The following TTN variants were observed in gnomAD, a reference collection of about 807,000 sequenced individuals.
TTN encodes the protein connectin.
Under a neutral mutation model 3,223.0 loss-of-function variants are expected in TTN, and 1,525 were observed. That is an observed-to-expected ratio of 0.47 (90% confidence interval 0.45 to 0.49). The LOEUF is 0.49. TTN is among the 20% of genes least tolerant of loss of function. TTN has a pLI of 0.00. For missense variants in TTN, 40,786 were observed against 43,424.0 expected (o/e 0.94, Z 5.40); for synonymous variants, 14,094 against 15,161.0 (o/e 0.93, Z 5.17).
At chr2:178,688,495 C>G (rs933343271) in intron 126 of TTN, among the ~76,000 whole-genome samples, 182 bp downstream of exon 126, 6 of 152,136 alleles carry the variant, frequency 3.9e-5, no homozygotes, top group Non-Finnish European at 7.4e-5. Flanking sequence ...TGATTCAAGG[C>G]CAACATAGAC....
rs1487384647 is a variant in TTN at position 178,551,072 on chromosome 2, T to C, written c.91459A>G (p.Ser30487Gly). The C allele has an allele frequency of 6.2e-7, 1 of 1,613,418 alleles. No individual in the cohort carries two copies. ...SECQYTVTGLSPGDRYEFRII... is the reference protein window; with the variant it reads ...SECQYTVTGLGPGDRYEFRII... The stretch of plus-strand genomic sequence containing the variant: ...CTGAACTCATAGCGATCCCCAGGAC[T>C]GAGTCCTGTAACTGTGTACTGACAT... Residue 30487 changes from serine to glycine, a missense_variant, in exon 336 of 363, where the codon AGT becomes GGT. By Grantham distance (56) the Ser-to-Gly change is moderately conservative. Transcript: ENST00000589042.
At position 178,718,097 on chromosome 2, in the gene TTN, C is replaced by T. The variant is rs72648983; in HGVS notation, c.24909G>A (p.Lys8303=). ...TTTTATATGCAGGAGCTGATCGTAG[C>T]TTTGTGTGTTCTTTATACCAAGAAA... ...IRISWYKEHT[K]LRSAPAYKMQ... The change falls in exon 86 of 363, where the codon AAG becomes AAA. Residue 8303 remains lysine (K), a synonymous_variant. Transcript: ENST00000589042. 0.011 allele frequency: 17,572 copies of T among 1,613,106 alleles called. 143 individuals are homozygous for T. The highest frequency in any genetic ancestry group is 0.037 in the African/African-American group (2,790 of 74,998).
intron 47 of TTN, chr2:178,751,924 T>C (rs749133505): frequency 6.3e-7 from 1 of 1,588,448 alleles, no homozygotes; most frequent in East Asian, 2.2e-5. Flanking sequence ...TTGTAGATGA[T>C]ATTCTACTTG....
At position 178,674,422 on chromosome 2, in the gene TTN, T is replaced by A; in HGVS notation, c.34613-13A>T. 3 of 1,368,252 alleles carry A rather than the reference T, an allele frequency of 2.2e-6. No individual in the cohort carries two copies. Among genetic ancestry groups the A allele is most frequent in the Non-Finnish European group, 3.0e-6 (3 of 1,009,714 alleles). 84.8% of individuals were successfully genotyped at this position (1,368,252 alleles called of 1,614,324 possible). The stretch of plus-strand genomic sequence containing the variant: ...GGCTCCTCAGTCACTTTAAAAAGAT[T>A]ATTATTTTGTAAATTATTTTTATAA... On this transcript the variant is annotated splice_polypyrimidine_tract_variant and intron_variant, in intron 150 of 362. Transcript: ENST00000589042.
In TTN at chr2:178,800,580, G is replaced by A; in HGVS notation, c.398C>T (p.Pro133Leu). The change falls in exon 4 of 363, where the codon CCT (proline) becomes CTT (leucine). Residue 133 changes from proline to leucine, a missense_variant. Coordinates refer to ENST00000589042, the MANE Select transcript of TTN (RefSeq NM_001267550.2). ...LQVRVTGIPT[P>L]VVKFYRDGAE... ...TCCATCCCGGTAGAACTTCACCACAGGTGTAGGGATTCCAGTCACTCTCAC... is the reference window on the plus strand; with the variant it reads ...TCCATCCCGGTAGAACTTCACCACAAGTGTAGGGATTCCAGTCACTCTCAC... 1 of 1,614,096 alleles carries A rather than the reference G, an allele frequency of 6.2e-7. No individual in the cohort carries two copies. The highest frequency in any genetic ancestry group is 8.5e-7 in the Non-Finnish European group (1 of 1,179,996).
Position 178,790,050 on chromosome 2 carries a change from T to A in TTN, c.1866A>T (p.Glu622Asp), listed in dbSNP as rs369418301. 1.2e-6 allele frequency: 2 copies of A among 1,613,202 alleles called. No homozygotes were observed. The highest frequency in any genetic ancestry group is 2.7e-5 in the African/African-American group (2 of 74,916). Reference sequence around the variant, plus strand: ...CTCTACCTCTTGATACTAAATCTTGTTCTTTGACTTTGGGTGTGGCAACTA... The same window carrying A: ...CTCTACCTCTTGATACTAAATCTTGATCTTTGACTTTGGGTGTGGCAACTA... The part of the protein sequence containing the change: ...KVIVATPKVK[E>D]QDLVSRGREG... The change falls in exon 12 of 363, where the codon GAA becomes GAT. Residue 622 changes from glutamate to aspartate, a missense_variant. Coordinates refer to ENST00000589042, the MANE Select transcript of TTN (RefSeq NM_001267550.2).
intron 13 of TTN, among the ~76,000 whole-genome samples, chr2:178,787,554 A>C (rs767267912): frequency 3.9e-5 from 6 of 152,136 alleles, no homozygotes; most frequent in Non-Finnish European, 8.8e-5. Context: ...CATTTCCACT[A>C]TATCTCATTT....
At position 178,545,971 on chromosome 2, in the gene TTN, C is replaced by A. The variant is rs755654150; in HGVS notation, c.95265G>T (p.Trp31755Cys). The change falls in exon 343 of 363, where the codon TGG becomes TGT. Residue 31755 changes from tryptophan (W) to cysteine (C), a missense_variant. Transcript: ENST00000589042. The part of the protein sequence containing the change: ...VERRETSRLN[W>C]VIVEGECPTL... Reference sequence around the variant, plus strand: ...TTGGGCATTCGCCTTCAACAATCACCCAGTTGAGCCTGCTAGTCTCGCGTC... The same window carrying A: ...TTGGGCATTCGCCTTCAACAATCACACAGTTGAGCCTGCTAGTCTCGCGTC... The A allele has an allele frequency of 6.2e-7, 1 of 1,613,788 alleles. No individual in the cohort carries two copies. Among genetic ancestry groups the A allele is most frequent in the Non-Finnish European group, 8.5e-7 (1 of 1,179,798 alleles).
At chr2:178,763,864 T>C (rs1209036006) in intron 43 of TTN, among the ~76,000 whole-genome samples, 1 of 152,190 alleles carries the variant, frequency 6.6e-6, no homozygotes, top group Non-Finnish European at 1.5e-5. Context: ...ATTTTATCAA[T>C]GAAGAAATTA....
At position 178,621,459 on chromosome 2, in the gene TTN, A is replaced by G. The variant is rs2058266983; in HGVS notation, c.45349+16T>C. 1 of 1,603,762 alleles carries G rather than the reference A, an allele frequency of 6.2e-7. No homozygotes were observed. Among genetic ancestry groups the G allele is most frequent in the South Asian group, 1.1e-5 (1 of 89,356 alleles). On this transcript the variant is annotated intron_variant, in intron 245 of 362. Transcript: ENST00000589042. ...AATTGTTAGAAATAAAAGATTATTCACTGTAGTTTTCATACCATGTACTTT... is the reference window on the plus strand; with the variant it reads ...AATTGTTAGAAATAAAAGATTATTCGCTGTAGTTTTCATACCATGTACTTT...
Position 178,560,529 on chromosome 2 carries a change from C to G in TTN, c.85603G>C (p.Glu28535Gln). ...VTGVNKYGVG[E>Q]PLESVAIKAL... is the part of the protein sequence containing the mutation. ...TTTATAGCTACACTCTCTAGGGGCT[C>G]ACCAACACCATATTTATTAACACCA... The change falls in exon 326 of 363, where the codon GAG becomes CAG. Residue 28535 changes from glutamate to glutamine, a missense_variant. Transcript: ENST00000589042. 6.2e-7 allele frequency: 1 copy of G among 1,613,244 alleles called. No individual in the cohort carries two copies. Among genetic ancestry groups the G allele is most frequent in the East Asian group, 2.2e-5 (1 of 44,732 alleles).
intron 213 of TTN, 62 bp downstream of exon 213, chr2:178,649,186 A>G: frequency 8.3e-7 from 1 of 1,207,064 alleles, no homozygotes; most frequent in Admixed American, 3.2e-5. Context: ...TTTCTCTAAG[A>G]CCTATTATTA....
chr2:178,604,731 T>C lies in TTN; in HGVS notation c.54358A>G (p.Thr18120Ala). 2 of 1,611,372 alleles carry C rather than the reference T, an allele frequency of 1.2e-6. No homozygotes were observed. The highest frequency in any genetic ancestry group is 1.1e-5 in the South Asian group (1 of 90,708). ...KKAEWEEVTN[T>A]AVEKRYGIWK... ...ACCCCATATCTTTTCTCTACAGCAG[T>C]GTTGGTGACTTCCTCCCATTCTGCT... Residue 18120 changes from threonine (T) to alanine (A), a missense_variant, in exon 281 of 363, where the codon ACT (threonine) becomes GCT (alanine). Coordinates refer to ENST00000589042, the MANE Select transcript of TTN (RefSeq NM_001267550.2).
rs772818248 is a variant in TTN at position 178,548,197 on chromosome 2, G to A, written c.93429C>T (p.Ser31143=). ...TTTCAAGCAGGTAGCCAGTGATCCGGCTGCCTCCATCGTGGTCAGGTTTAA... is the reference window on the plus strand; with the variant it reads ...TTTCAAGCAGGTAGCCAGTGATCCGACTGCCTCCATCGTGGTCAGGTTTAA... ...AWLKPDHDGG[S]RITGYLLEMR... Residue 31143 remains serine (S), a synonymous_variant, in exon 339 of 363, where the codon AGC becomes AGT. Coordinates refer to ENST00000589042, the MANE Select transcript of TTN (RefSeq NM_001267550.2). The surrounding 1 kb of genome is among the most constrained non-coding windows in gnomAD (Gnocchi z 4.3). 1 of 1,613,806 alleles carries A rather than the reference G, an allele frequency of 6.2e-7. No individual in the cohort carries two copies. The highest frequency in any genetic ancestry group is 8.5e-7 in the Non-Finnish European group (1 of 1,179,790).
In TTN at chr2:178,533,629, G is replaced by T; in HGVS notation, c.102986C>A (p.Ala34329Asp). The T allele has an allele frequency of 6.2e-7, 1 of 1,613,926 alleles. No homozygotes were observed. The highest frequency in any genetic ancestry group is 8.5e-7 in the Non-Finnish European group (1 of 1,179,872). Residue 34329 changes from alanine (A) to aspartate (D), a missense_variant, in exon 358 of 363, where the codon GCT becomes GAT. Coordinates refer to ENST00000589042, the MANE Select transcript of TTN (RefSeq NM_001267550.2). ...GTTCCTTGCCACAACAGTATATTCA[G>T]CGTCATCATCTGTAGTGACACTGTT... ...TINSVTTDDD[A>D]EYTVVARNKY...
chr2:178,722,752 TAA>T lies in TTN; in HGVS notation c.22145_22146del (p.Phe7382Ter), dbSNP rs794727888. 3.1e-6 allele frequency: 5 copies of T among 1,613,174 alleles called. No homozygotes were observed. The highest frequency in any genetic ancestry group is 4.2e-6 in the Non-Finnish European group (5 of 1,179,534). ...CCACTGTCATTGATGTTCACTTTATTAAAAACAAGTGTGGCCACATTGTTTGT... is the reference window on the plus strand; with the variant it reads ...CCACTGTCATTGATGTTCACTTTATTAAACAAGTGTGGCCACATTGTTTGT... The part of the protein sequence containing the change: ...YFTNNVATLV[F>X]NKVNINDSGE... On this transcript the variant is annotated frameshift_variant, in exon 76 of 363. Coordinates refer to ENST00000589042, the MANE Select transcript of TTN (RefSeq NM_001267550.2). LOFTEE classifies it high-confidence loss of function.
rs767718451 is a variant in TTN, at chr2:178,773,670, A to C, written c.7386T>G (p.Ala2462=). Residue 2462 remains alanine, a synonymous_variant, in exon 32 of 363, where the codon GCT becomes GCG. Coordinates refer to ENST00000589042, the MANE Select transcript of TTN (RefSeq NM_001267550.2). Reference sequence around the variant, plus strand: ...GGACTGACACCTTACATTCAAGCACAGCCTTGGTGCCTTCAATCACATTAA... The same window carrying C: ...GGACTGACACCTTACATTCAAGCACCGCCTTGGTGCCTTCAATCACATTAA... ...KDVNVIEGTK[A]VLECKVSVPD... is the part of the protein sequence containing the mutation. 6.2e-7 allele frequency: 1 copy of C among 1,614,078 alleles called. No individual in the cohort carries two copies. Among genetic ancestry groups the C allele is most frequent in the East Asian group, 2.2e-5 (1 of 44,852 alleles).
In TTN at chr2:178,576,193, G is replaced by A; in HGVS notation, c.69939C>T (p.Asn23313=). ...CATCGTTGATGGCACTGATTCTGAA[G>A]TTGTATTTTTCTTTAGTCTGAAGAT... is the stretch of plus-strand genomic sequence containing the variant. ...VPDLQTKEKY[N]FRISAINDAG... is the part of the protein sequence containing the mutation. Residue 23313 remains asparagine, a synonymous_variant, in exon 326 of 363, where the codon AAC becomes AAT. Transcript: ENST00000589042. The surrounding 1 kb of genome is among the most constrained non-coding windows in gnomAD (Gnocchi z 4.3). The A allele has an allele frequency of 6.2e-7, 1 of 1,612,972 alleles. No homozygotes were observed. The highest frequency in any genetic ancestry group is 2.2e-5 in the East Asian group (1 of 44,740).
At chr2:178,689,767 T>A in intron 122 of TTN, 46 bp downstream of exon 122, 1 of 1,546,184 alleles carries the variant, frequency 6.5e-7, no homozygotes, top group Non-Finnish European at 8.8e-7. Flanking sequence ...CAACATATTT[T>A]GTATCAAAGA....
Sources: gnomAD v4.1 joint callset for allele counts (sites outside exome capture counted in the v4.1 genomes callset) on GRCh38, gnomAD v4.1.1 for gene constraint, Gnocchi (gnomAD v3.1) non-coding constraint, MANE v1.5 for transcripts, NCBI Gene and HGNC (gene_info 2026-07-23, HGNC 2026-07-21) for gene names.